Variants in SMARCA2 observed in about 807,000 individuals in gnomAD.
SMARCA2 encodes the protein SWI/SNF-related matrix-associated actin-dependent regulator of chromatin subfamily A member 2.
A neutral mutation model predicts 199.8 loss-of-function variants in SMARCA2; 61 were observed. The ratio of observed to expected loss-of-function variants is 0.31; its 90% CI spans 0.25 to 0.38. The LOEUF is 0.38. Among genes scored for constraint, SMARCA2 ranks in the 10% least tolerant of loss-of-function variants. SMARCA2 has a pLI of 1.00. For missense variants in SMARCA2, 1,344 were observed against 2,012.2 expected (o/e 0.67, Z 6.35); for synonymous variants, 935 against 732.0 (o/e 1.28, Z -4.48).
chr9:2,136,347 CT>C (rs1824197000), intron 27 of SMARCA2, among the ~76,000 whole-genome samples: 1 of 151,982 alleles, frequency 6.6e-6, no homozygotes, highest in African/African-American at 2.4e-5. Flanking sequence ...GCCACCACCC[CT>C]GGCTAATTTT....
chr9:2,172,473 G>A (rs568441705), intron 29 of SMARCA2, among the ~76,000 whole-genome samples: 20 of 151,916 alleles, frequency 1.3e-4, no homozygotes, highest in African/African-American at 4.6e-4. Flanking sequence ...GTGCGGGAAG[G>A]GGGGATGTAG....
At position 2,058,476 on chromosome 9, in the gene SMARCA2, C is replaced by G. The variant is rs1460143222; in HGVS notation, c.1521+12C>G. 4.3e-6 allele frequency: 7 copies of G among 1,611,620 alleles called. No homozygotes were observed. The East Asian group carries it at 1.3e-4, about 31-fold the overall frequency. On this transcript the variant is annotated intron_variant, in intron 8 of 33. Transcript: ENST00000349721. ...TGCGGCGACTGATGGTAAGGAACTCCCTGCAGGAGCCCAGGAAACTACTCA... is the reference window on the plus strand; with the variant it reads ...TGCGGCGACTGATGGTAAGGAACTCGCTGCAGGAGCCCAGGAAACTACTCA...
intron 3 of SMARCA2, among the ~76,000 whole-genome samples, chr9:2,038,783 G>C (rs1290386629): frequency 6.6e-6 from 1 of 152,108 alleles, no homozygotes; most frequent in Non-Finnish European, 1.5e-5. Context: ...TCTGCTACTA[G>C]GGAGAACCCA....
At position 2,115,633 on chromosome 9, in the gene SMARCA2, G is replaced by T. The variant is rs548182440; in HGVS notation, c.3457-189G>T. Among the ~76,000 whole-genome samples the T allele has an allele frequency of 2.6e-5, 4 of 152,302 alleles. No individual in the cohort carries two copies. In the South Asian group the frequency reaches 6.2e-4, roughly 24 times the overall value. On this transcript the variant is annotated intron_variant, in intron 24 of 33. Transcript: ENST00000349721. The surrounding 1 kb of genome is among the most constrained non-coding windows in gnomAD (Gnocchi z 6.0). ...GTTGGCTTGGTTAATTTCAACCCAG[G>T]TTTCTTCAACTAGGAATGACACTGA...
intron 3 of SMARCA2, among the ~76,000 whole-genome samples, chr9:2,034,252 A>G (rs1297170274): frequency 2.0e-5 from 3 of 151,994 alleles, no homozygotes; most frequent in Non-Finnish European, 4.4e-5. Flanking sequence ...CAAAAAAAAA[A>G]AAAAAAAAAA....
chr9:2,138,744 A>C (rs1006492078), intron 27 of SMARCA2, among the ~76,000 whole-genome samples: 1 of 152,072 alleles, frequency 6.6e-6, no homozygotes, highest in African/African-American at 2.4e-5. Context: ...GGAGTCATGA[A>C]ATGGGGAAAG....
rs552227767 is a variant in SMARCA2, at chr9:2,026,366, G to A, written c.-36-2621G>A. On this transcript the variant is annotated intron_variant, in intron 1 of 33. Transcript: ENST00000349721. Reference sequence around the variant, plus strand: ...ATATTAACATTCCAATTATATGCCCGTAATTTTCCACTTCCCTTCCAACAT... The same window carrying A: ...ATATTAACATTCCAATTATATGCCCATAATTTTCCACTTCCCTTCCAACAT... Among the ~76,000 whole-genome samples the A allele has an allele frequency of 5.9e-5, 9 of 152,148 alleles. No individual in the cohort carries two copies. The East Asian group carries it at 9.7e-4, about 16-fold the overall frequency.
At chr9:2,094,109 A>C (rs1440096471) in intron 19 of SMARCA2, among the ~76,000 whole-genome samples, 2 of 152,216 alleles carry the variant, frequency 1.3e-5, no homozygotes, top group African/African-American at 2.4e-5. Context: ...CTTAAGACTA[A>C]GTAAGGATAT....
intron 1 of SMARCA2, among the ~76,000 whole-genome samples, chr9:2,020,864 G>A (rs1818571177): frequency 6.6e-6 from 1 of 152,138 alleles, no homozygotes; most frequent in Admixed American, 6.5e-5. Flanking sequence ...TTACACATTT[G>A]GAGTGATGGT....
chr9:2,112,222 C>T (rs911775204), intron 24 of SMARCA2, among the ~76,000 whole-genome samples: 2 of 152,152 alleles, frequency 1.3e-5, no homozygotes, highest in Non-Finnish European at 2.9e-5. Flanking sequence ...CTCCTCTCCT[C>T]CTGGTGTGCT....
chr9:2,083,462 C>T, intron 16 of SMARCA2, 49 bp downstream of exon 16: 1 of 1,194,218 alleles, frequency 8.4e-7, no homozygotes, highest in Non-Finnish European at 1.2e-6. Flanking sequence ...AAAAAATAGA[C>T]CCTATTTTCT....
At chr9:2,028,781 G>T (rs906202093) in intron 1 of SMARCA2, among the ~76,000 whole-genome samples, 1 of 152,158 alleles carries the variant, frequency 6.6e-6, no homozygotes, top group East Asian at 1.9e-4. Context: ...ATCATTTAGT[G>T]TGTGTGTTTT....
intron 1 of SMARCA2, chr9:2,021,892 G>A (rs539692834): frequency 1.3e-5 from 2 of 151,070 alleles, no homozygotes; most frequent in South Asian, 4.2e-4. Context: ...ATGGGATAAG[G>A]TTGCTGTAGG....
At chr9:2,026,786 G>C (rs1137625) in intron 1 of SMARCA2, among the ~76,000 whole-genome samples, 1 of 152,094 alleles carries the variant, frequency 6.6e-6, no homozygotes, top group Non-Finnish European at 1.5e-5. Context: ...GCCCTGAATC[G>C]ACGTCAGCTT....
intron 27 of SMARCA2, among the ~76,000 whole-genome samples, chr9:2,139,645 C>T (rs111895087): frequency 6.7e-6 from 1 of 149,300 alleles, no homozygotes; most frequent in Admixed American, 6.7e-5. Flanking sequence ...ATCACTACCC[C>T]CAATATAGTC....
At chr9:2,154,702 AT>A (rs1336566667) in intron 27 of SMARCA2, among the ~76,000 whole-genome samples, 1 of 152,212 alleles carries the variant, frequency 6.6e-6, no homozygotes. Context: ...CCAAGTTGCC[AT>A]TTGACATTAT....
At chr9:2,091,439 T>C (rs1563762426) in intron 19 of SMARCA2, among the ~76,000 whole-genome samples, 1 of 152,262 alleles carries the variant, frequency 6.6e-6, no homozygotes, top group Non-Finnish European at 1.5e-5. Flanking sequence ...TTGTTGCATG[T>C]ATCAATAGTT....
chr9:2,101,656 GT>G (rs760040599), intron 22 of SMARCA2, 40 bp downstream of exon 22: 24 of 1,108,514 alleles, frequency 2.2e-5, no homozygotes, highest in Non-Finnish European at 3.0e-5. Flanking sequence ...AAAAAATGTT[GT>G]TGGCCTTACA....
intron 10 of SMARCA2, 65 bp from the exon 11 acceptor site, chr9:2,073,147 G>T (rs993915032): frequency 3.8e-6 from 6 of 1,575,748 alleles, no homozygotes; most frequent in Admixed American, 3.7e-5. Context: ...GCTGAGAAAC[G>T]TCCAGTACAG....
Sources: allele counts gnomAD v4.1 joint callset (sites outside exome capture counted in the v4.1 genomes callset), GRCh38; gene constraint gnomAD v4.1.1; non-coding constraint Gnocchi (gnomAD v3.1); transcripts MANE v1.5; gene names NCBI Gene and HGNC (gene_info 2026-07-23, HGNC 2026-07-21).